AKAP6: variants seen among roughly 807,000 people sequenced by gnomAD.
AKAP6 encodes the protein A-kinase anchor protein 6.
In AKAP6, 58 loss-of-function variants were observed where a neutral mutation model predicts 188.5. The ratio of observed to expected loss-of-function variants is 0.31; its 90% CI spans 0.25 to 0.38. The LOEUF is 0.38. Ranked by LOEUF, AKAP6 falls within the 10% of genes least tolerant of loss-of-function variation. AKAP6 has a pLI of 1.00. For synonymous variants in AKAP6, 989 were observed against 998.6 expected (o/e 0.99, Z 0.18); for missense variants, 2,710 against 2,740.0 (o/e 0.99, Z 0.24).
chr14:32,592,512 C>G (rs1885527117), intron 5 of AKAP6, among the ~76,000 whole-genome samples: 2 of 152,108 alleles, frequency 1.3e-5, no homozygotes, highest in Admixed American at 6.6e-5. Context: ...CGGAGCAAGA[C>G]AGCTGGTGTG....
At chr14:32,754,191 G>T (rs367686442) in intron 11 of AKAP6, among the ~76,000 whole-genome samples, 1 of 151,896 alleles carries the variant, frequency 6.6e-6, no homozygotes, top group Non-Finnish European at 1.5e-5. Context: ...CTGGTGTTGG[G>T]TGCATATATA....
chr14:32,335,609 T>C (rs1260193342), intron 1 of AKAP6, among the ~76,000 whole-genome samples: 1 of 152,176 alleles, frequency 6.6e-6, no homozygotes. Context: ...TACTTGAAGA[T>C]ATTTGGTAGG....
intron 7 of AKAP6, among the ~76,000 whole-genome samples, chr14:32,666,309 C>A (rs898252420): frequency 6.6e-6 from 1 of 151,720 alleles, no homozygotes; most frequent in African/African-American, 2.4e-5. Context: ...AATGTATTTT[C>A]TCCTTTTTAA....
At chr14:32,673,688 T>C (rs965868737) in intron 7 of AKAP6, among the ~76,000 whole-genome samples, 1 of 152,122 alleles carries the variant, frequency 6.6e-6, no homozygotes, top group Non-Finnish European at 1.5e-5. Flanking sequence ...TGAGCCACGA[T>C]TGTGTCACTG....
intron 1 of AKAP6, among the ~76,000 whole-genome samples, chr14:32,398,220 C>A (rs1408547374): frequency 1.3e-5 from 2 of 152,184 alleles, no homozygotes; most frequent in Non-Finnish European, 2.9e-5. Context: ...TTCCAAGCAG[C>A]AAATAGTGGC....
chr14:32,331,440 A>G (rs2138383077), intron 1 of AKAP6, among the ~76,000 whole-genome samples: 1 of 152,164 alleles, frequency 6.6e-6, no homozygotes, highest in South Asian at 2.1e-4. Context: ...CTCCCGGTTC[A>G]GACAACCCTG....
intron 2 of AKAP6, among the ~76,000 whole-genome samples, chr14:32,443,398 A>G (rs11628449): frequency 1.3e-5 from 2 of 149,772 alleles, no homozygotes; most frequent in Admixed American, 1.3e-4. Context: ...ATCTCAAAAC[A>G]AAACAAAACA....
chr14:32,831,851 A>T lies in AKAP6; in HGVS notation c.*2046A>T, dbSNP rs1447872431. The T allele has an allele frequency of 2.0e-5, 3 of 152,212 alleles. No homozygotes were observed. Among genetic ancestry groups the T allele is most frequent in the African/African-American group, 7.2e-5 (3 of 41,450 alleles). 9.4% of individuals were successfully genotyped at this position (152,212 alleles called of 1,614,324 possible). A position where few individuals can be genotyped will look rare whatever the true frequency, so the allele number is the denominator to read the frequency against. ...GAGGACTTAATGGAAGGTCTTTTAA[A>T]AAGTTAACTTGGAGCTTCTGTATGT... On this transcript the variant is annotated 3_prime_UTR_variant, in exon 14 of 14. Transcript: ENST00000280979.
At chr14:32,600,208 C>A (rs573623725) in intron 6 of AKAP6, among the ~76,000 whole-genome samples, 7 of 152,244 alleles carry the variant, frequency 4.6e-5, no homozygotes, top group Non-Finnish European at 1.0e-4. Context: ...TAATTCTGGC[C>A]TATTTACTGT....
At chr14:32,335,166 C>T (rs571942049) in intron 1 of AKAP6, among the ~76,000 whole-genome samples, 1 of 152,246 alleles carries the variant, frequency 6.6e-6, no homozygotes, top group Non-Finnish European at 1.5e-5. Context: ...TGAGCTAAAC[C>T]TAGCCTGCAG....
intron 1 of AKAP6, among the ~76,000 whole-genome samples, chr14:32,359,497 A>T (rs1347370534): frequency 6.6e-6 from 1 of 152,192 alleles, no homozygotes; most frequent in East Asian, 1.9e-4. Context: ...CATCAGACAT[A>T]ATTATGGTAT....
chr14:32,475,836 C>T (rs1027607265), intron 2 of AKAP6, among the ~76,000 whole-genome samples: 1 of 151,840 alleles, frequency 6.6e-6, no homozygotes. Context: ...CGCCACCACG[C>T]CCGGCTAATT....
chr14:32,341,883 A>G (rs1351294212), intron 1 of AKAP6, among the ~76,000 whole-genome samples: 1 of 152,154 alleles, frequency 6.6e-6, no homozygotes, highest in Non-Finnish European at 1.5e-5. Context: ...GTAGTGGTGT[A>G]CAACTGTAAT....
intron 4 of AKAP6, among the ~76,000 whole-genome samples, chr14:32,573,368 T>C (rs1884577728): frequency 6.6e-6 from 1 of 152,116 alleles, no homozygotes; most frequent in Non-Finnish European, 1.5e-5. Flanking sequence ...GAGAAGTAAA[T>C]TTGAATTCAG....
intron 8 of AKAP6, among the ~76,000 whole-genome samples, chr14:32,681,417 G>T (rs750186965): frequency 3.9e-5 from 6 of 152,042 alleles, no homozygotes; most frequent in Non-Finnish European, 7.4e-5. Context: ...CAGCACTCTG[G>T]GTCAAGAATG....
Position 32,404,691 on chromosome 14 carries a change from G to GATAGATTATATATATATAT in AKAP6, c.-34-28766_-34-28765insGATTATATATATATATATA. Among the ~76,000 whole-genome samples the GATAGATTATATATATATAT allele has an allele frequency of 3.5e-3, 157 of 44,432 alleles. 12 individuals carry two copies. The highest frequency in any genetic ancestry group is 5.9e-3 in the Non-Finnish European group (129 of 21,782). The allele number at this position is 44,432 out of a possible 152,430, so 29.1% of individuals were successfully genotyped here. On this transcript the variant is annotated intron_variant, in intron 1 of 13. Coordinates refer to ENST00000280979, the MANE Select transcript of AKAP6 (RefSeq NM_004274.5). Reference sequence around the variant, plus strand: ...AGAGTGGGGTTATGAGGAGTCAGGAGATATATATATATATATATATTAGTC... The same window carrying GATAGATTATATATATATAT: ...AGAGTGGGGTTATGAGGAGTCAGGAGATAGATTATATATATATATATATATATATATATATATATTAGTC...
At chr14:32,756,538 A>T (rs978137663) in intron 11 of AKAP6, among the ~76,000 whole-genome samples, 1 of 151,872 alleles carries the variant, frequency 6.6e-6, no homozygotes, top group African/African-American at 2.4e-5. Context: ...TGGAACCTCT[A>T]TCATTGGCTT....
intron 1 of AKAP6, among the ~76,000 whole-genome samples, chr14:32,352,293 A>G (rs2138451979): frequency 6.6e-6 from 1 of 151,908 alleles, no homozygotes; most frequent in South Asian, 2.1e-4. Context: ...AATTGATACA[A>G]TAATTATACA....
chr14:32,555,611 G>C (rs1883653925), intron 4 of AKAP6, among the ~76,000 whole-genome samples: 1 of 151,992 alleles, frequency 6.6e-6, no homozygotes, highest in Admixed American at 6.6e-5. Flanking sequence ...CCCTCTCCCT[G>C]CTGTCCTCGG....
Sources: allele counts gnomAD v4.1 joint callset (sites outside exome capture counted in the v4.1 genomes callset), GRCh38; gene constraint gnomAD v4.1.1; transcripts MANE v1.5; gene names NCBI Gene and HGNC (gene_info 2026-07-23, HGNC 2026-07-21).